ADARB2: variants seen among roughly 807,000 people sequenced by gnomAD.
ADARB2 encodes the protein inactive double-stranded RNA-specific editase B2.
A neutral mutation model predicts 62.2 loss-of-function variants in ADARB2; 25 were observed. The ratio of observed to expected loss-of-function variants is 0.40; its 90% CI spans 0.29 to 0.56. ADARB2 has a LOEUF of 0.56. Ranked by LOEUF, ADARB2 falls within the 20% of genes least tolerant of loss-of-function variation. The pLI, the probability that ADARB2 is intolerant of heterozygous loss-of-function variation, is 0.43. For missense variants in ADARB2, 1,071 were observed against 1,077.4 expected (o/e 0.99, Z 0.08); for synonymous variants, 572 against 500.8 (o/e 1.14, Z -1.90).
At chr10:1,718,737 G>C (rs1588365510) in intron 1 of ADARB2, among the ~76,000 whole-genome samples, 1 of 151,952 alleles carries the variant, frequency 6.6e-6, no homozygotes, top group East Asian at 2.0e-4. Flanking sequence ...AGGCCCCCAG[G>C]TTGTGTTTCT....
At chr10:1,539,275 AC>A (rs1203444902) in intron 1 of ADARB2, among the ~76,000 whole-genome samples, 1 of 152,152 alleles carries the variant, frequency 6.6e-6, no homozygotes, top group African/African-American at 2.4e-5. Context: ...CAGATGTGCT[AC>A]CCACTTGCTA....
intron 1 of ADARB2, among the ~76,000 whole-genome samples, chr10:1,595,452 A>G (rs961702074): frequency 1.1e-4 from 17 of 152,196 alleles, no homozygotes; most frequent in Non-Finnish European, 1.9e-4. Flanking sequence ...CAACACATCA[A>G]TACAGTCAGA....
chr10:1,245,810 G>C (rs1404116800), intron 4 of ADARB2, among the ~76,000 whole-genome samples: 1 of 151,972 alleles, frequency 6.6e-6, no homozygotes, highest in Non-Finnish European at 1.5e-5. Flanking sequence ...GTGTGCATGT[G>C]TCTTTATAGC....
chr10:1,568,299 G>A (rs1274397906), intron 1 of ADARB2, among the ~76,000 whole-genome samples: 9 of 152,124 alleles, frequency 5.9e-5, no homozygotes, highest in African/African-American at 2.2e-4. Flanking sequence ...CGCTCAGCGG[G>A]GAGGCGGAGG....
At chr10:1,573,409 G>A (rs73588210) in intron 1 of ADARB2, among the ~76,000 whole-genome samples, 6,308 of 152,256 alleles carry the variant, frequency 0.041, 430 homozygotes, top group African/African-American at 0.14. Context: ...GAAGAGCTTG[G>A]GGATGTGTTG....
At chr10:1,657,694 G>A (rs951853525) in intron 1 of ADARB2, among the ~76,000 whole-genome samples, 4 of 152,188 alleles carry the variant, frequency 2.6e-5, no homozygotes, top group African/African-American at 9.7e-5. Context: ...TGTCCTCTAA[G>A]CCGAGCGCAG....
chr10:1,522,286 C>A (rs764375093), intron 1 of ADARB2, among the ~76,000 whole-genome samples: 12 of 152,134 alleles, frequency 7.9e-5, no homozygotes, highest in Non-Finnish European at 1.6e-4. Flanking sequence ...AGACAGGGAT[C>A]AGAGACAATT....
At chr10:1,548,675 A>G (rs1202906743) in intron 1 of ADARB2, among the ~76,000 whole-genome samples, 6 of 152,150 alleles carry the variant, frequency 3.9e-5, no homozygotes, top group Admixed American at 3.3e-4. Context: ...TAGGGGGAGT[A>G]AAGATCTAGG....
At chr10:1,505,400 A>G (rs1409620871) in intron 1 of ADARB2, among the ~76,000 whole-genome samples, 1 of 151,174 alleles carries the variant, frequency 6.6e-6, no homozygotes, top group African/African-American at 2.4e-5. Flanking sequence ...TTTTTTTGCA[A>G]CAAATAACTC....
chr10:1,491,080 T>C (rs1255092190), intron 1 of ADARB2, among the ~76,000 whole-genome samples: 1 of 152,204 alleles, frequency 6.6e-6, no homozygotes, highest in Non-Finnish European at 1.5e-5. Context: ...TTAATTGTTA[T>C]TATTTTTTAA....
intron 3 of ADARB2, among the ~76,000 whole-genome samples, chr10:1,321,650 G>A (rs76923372): frequency 0.024 from 3,674 of 152,224 alleles, 84 homozygotes; most frequent in East Asian, 0.11. Context: ...CTCCCAAAGC[G>A]CTGGGATTAG....
intron 3 of ADARB2, among the ~76,000 whole-genome samples, chr10:1,360,144 G>T (rs1262404549): frequency 6.6e-6 from 1 of 151,890 alleles, no homozygotes. Flanking sequence ...TGTGGGCAGA[G>T]AACCTCAAGC....
At chr10:1,646,493 T>A (rs1482299904) in intron 1 of ADARB2, among the ~76,000 whole-genome samples, 1 of 152,164 alleles carries the variant, frequency 6.6e-6, no homozygotes, top group Non-Finnish European at 1.5e-5. Context: ...TCTTGATGAC[T>A]ATTGGGAAGG....
chr10:1,268,683 G>A (rs890263453), intron 4 of ADARB2, among the ~76,000 whole-genome samples: 12 of 152,090 alleles, frequency 7.9e-5, no homozygotes, highest in African/African-American at 2.9e-4. Flanking sequence ...TAGTAATTTT[G>A]CACATTTCTA....
intron 3 of ADARB2, among the ~76,000 whole-genome samples, chr10:1,338,959 C>T (rs1047059858): frequency 6.6e-6 from 1 of 152,218 alleles, no homozygotes; most frequent in African/African-American, 2.4e-5. Flanking sequence ...CTCCACATTC[C>T]AACACCAGCA....
chr10:1,201,576 G>A (rs1327756520), intron 7 of ADARB2, among the ~76,000 whole-genome samples: 1 of 151,652 alleles, frequency 6.6e-6, no homozygotes, highest in Admixed American at 6.6e-5. Flanking sequence ...GCCTGTCACC[G>A]AGGACCTTCA....
At chr10:1,195,310 G>A (rs1196624800) in intron 8 of ADARB2, among the ~76,000 whole-genome samples, 1 of 151,410 alleles carries the variant, frequency 6.6e-6, no homozygotes, top group African/African-American at 2.4e-5. Context: ...TTGTGGTGCA[G>A]TCCCATGGGG....
chr10:1,464,113 T>C (rs201199119), intron 1 of ADARB2, among the ~76,000 whole-genome samples: 12,233 of 119,344 alleles, frequency 0.1, 919 homozygotes, highest in East Asian at 0.34. Flanking sequence ...GCGGGCAGTG[T>C]GCCGGAGAAG....
chr10:1,542,871 A>G (rs1319130592), intron 1 of ADARB2, among the ~76,000 whole-genome samples: 3 of 139,686 alleles, frequency 2.1e-5, no homozygotes, highest in African/African-American at 5.3e-5. Flanking sequence ...GATGTAGTTC[A>G]GACCCTGGAT....
Sources: gnomAD v4.1 joint callset for allele counts (sites outside exome capture counted in the v4.1 genomes callset) on GRCh38, gnomAD v4.1.1 for gene constraint, MANE v1.5 for transcripts, NCBI Gene and HGNC (gene_info 2026-07-23, HGNC 2026-07-21) for gene names.